The following CYP2A7 variants were observed in gnomAD, a reference collection of about 807,000 sequenced individuals.
The protein encoded by CYP2A7 is cytochrome P450 2A7.
CYP2A7 carries 36 observed loss-of-function variants against 42.0 expected under a neutral mutation model. That is an observed-to-expected ratio of 0.86 (90% CI 0.66 to 1.13). The LOEUF (loss-of-function observed/expected upper bound fraction) is 1.13, where lower values mean the gene tolerates loss of function less well. Ranked by LOEUF, CYP2A7 falls within the 50% of genes most tolerant of loss-of-function variation. The pLI is 0.00. For missense variants in CYP2A7, 661 were observed against 634.1 expected (o/e 1.04, Z -0.46); for synonymous variants, 260 against 249.5 (o/e 1.04, Z -0.40).
rs375415174 is a variant in CYP2A7 at position 40,881,730 on chromosome 19, C to T, written c.202G>A (p.Val68Met). The change falls in exon 2 of 9, where the codon GTG becomes ATG. Residue 68 changes from valine (V) to methionine (M), a missense_variant. Around this residue, in one of 3 missense-constraint regions of CYP2A7, gnomAD observed 614 missense variants for 552.4 expected, o/e 1.11. Transcript: ENST00000301146. ...IMKFSECYGP[V>M]FTIHLGPRRV... ...CGGGGCCCCAAGTGAATGGTGAACA[C>T]GGGGCCATAGCACTCACTGAACTGA... 23 of 1,599,212 alleles carry T rather than the reference C, an allele frequency of 1.4e-5. No individual in the cohort carries two copies. Among genetic ancestry groups the T allele is most frequent in the East Asian group, 2.2e-5 (1 of 44,732 alleles).
chr19:40,880,652 G>A (rs781298343), intron 2 of CYP2A7, 24 bp from the exon 3 acceptor site: 2 of 1,590,138 alleles, frequency 1.3e-6, no homozygotes, highest in Non-Finnish European at 8.6e-7. Flanking sequence ...GGCGGGGGTG[G>A]AGAGAGGTCA....
rs762556583 is a variant in CYP2A7, at chr19:40,880,148, T to A, written c.590A>T (p.Glu197Val). Residue 197 changes from glutamate (E) to valine (V), a missense_variant, in exon 4 of 9, where the codon GAG becomes GTG. Around this residue, in one of 3 missense-constraint regions of CYP2A7, gnomAD observed 614 missense variants for 552.4 expected, o/e 1.11. Transcript: ENST00000301146. ...FGDRFDYEDKEFLSLLSMMLG... is the reference protein window; with the variant it reads ...FGDRFDYEDKVFLSLLSMMLG... ...CATCATGCTCAGCAGTGACAGGAACTCTTTGTCCTCATAGTCAAAGCGGTC... is the reference window on the plus strand; with the variant it reads ...CATCATGCTCAGCAGTGACAGGAACACTTTGTCCTCATAGTCAAAGCGGTC... 6.2e-7 allele frequency: 1 copy of A among 1,613,032 alleles called. No individual in the cohort carries two copies. Among genetic ancestry groups the A allele is most frequent in the Non-Finnish European group, 8.5e-7 (1 of 1,179,274 alleles).
rs140185182 is a variant in CYP2A7, at chr19:40,876,371, G to A, written c.1303+156C>T. 50 of 1,242,194 alleles carry A rather than the reference G, an allele frequency of 4.0e-5. No homozygotes were observed. The African/African-American group carries it at 6.7e-4, about 17-fold the overall frequency. 76.9% of individuals were successfully genotyped at this position (1,242,194 alleles called of 1,614,324 possible). On this transcript the variant is annotated intron_variant, in intron 8 of 8. Coordinates refer to ENST00000301146, the MANE Select transcript of CYP2A7 (RefSeq NM_000764.3). ...CCTGGGTGCAGGTACTGGGTGCTTGGTAGTTAAGGAAGTATCAGCTGCTGG... is the reference window on the plus strand; with the variant it reads ...CCTGGGTGCAGGTACTGGGTGCTTGATAGTTAAGGAAGTATCAGCTGCTGG...
At chr19:40,876,237 C>G (rs1967527244) in intron 8 of CYP2A7, 1 of 603,908 alleles carries the variant, frequency 1.7e-6, no homozygotes, top group Non-Finnish European at 2.9e-6. Context: ...GCCAGATACA[C>G]TTGCAAATAT....
chr19:40,877,705 A>T, intron 6 of CYP2A7, 147 bp downstream of exon 6: 2 of 1,159,170 alleles, frequency 1.7e-6, no homozygotes, highest in Non-Finnish European at 2.4e-6. Flanking sequence ...GACTCAGCTG[A>T]TGCCTACCAG....
chr19:40,877,305 A>G lies in CYP2A7; in HGVS notation c.1046T>C (p.Met349Thr). 3 of 1,612,792 alleles carry G rather than the reference A, an allele frequency of 1.9e-6. No homozygotes were observed. The highest frequency in any genetic ancestry group is 1.7e-6 in the Non-Finnish European group (2 of 1,179,178). Residue 349 changes from methionine to threonine, a missense_variant, in exon 7 of 9, where the codon ATG becomes ACG. Met to Thr is a moderately conservative substitution (Grantham distance 81). Around this residue, in one of 3 missense-constraint regions of CYP2A7, gnomAD observed 614 missense variants for 552.4 expected, o/e 1.11. Transcript: ENST00000301146. ...RQPKFEDRTK[M>T]PYMEAVIHEI... ...GTGGATCACTGCCTCCATGTAGGGCATCTTGGTCCGGTCCTCAAACTTGGG... is the reference window on the plus strand; with the variant it reads ...GTGGATCACTGCCTCCATGTAGGGCGTCTTGGTCCGGTCCTCAAACTTGGG...
chr19:40,881,247 G>A (rs1390765275), intron 2 of CYP2A7, among the ~76,000 whole-genome samples: 1 of 151,458 alleles, frequency 6.6e-6, no homozygotes, highest in Non-Finnish European at 1.5e-5. Context: ...GAGAAGCACA[G>A]AAGCTGAGAG....
intron 8 of CYP2A7, 140 bp from the exon 9 acceptor site, chr19:40,876,014 A>G: frequency 7.1e-7 from 1 of 1,406,110 alleles, no homozygotes; most frequent in Non-Finnish European, 9.5e-7. Flanking sequence ...GGAGGCTCTG[A>G]TCCTCCCTGA....
intron 3 of CYP2A7, 113 bp downstream of exon 3, chr19:40,880,366 G>C: frequency 1.9e-6 from 3 of 1,545,978 alleles, no homozygotes; most frequent in Non-Finnish European, 2.6e-6. Context: ...TCCAGGGCTG[G>C]AAGTGCGGGC....
chr19:40,876,313 C>G, intron 8 of CYP2A7: 1 of 743,634 alleles, frequency 1.3e-6, no homozygotes, highest in Non-Finnish European at 2.2e-6. Flanking sequence ...TAGAGAAATA[C>G]ATCTACGGGG....
At chr19:40,881,860 A>G in intron 1 of CYP2A7, 109 bp from the exon 2 acceptor site, 1 of 1,530,808 alleles carries the variant, frequency 6.5e-7, no homozygotes, top group Non-Finnish European at 8.8e-7. Context: ...TCTCACAGTC[A>G]GGGAGCTGGA....
rs1486747563 is a variant in CYP2A7, at chr19:40,880,212, G to A, written c.526C>T (p.Arg176Cys). ...ANIDPTFFLS[R>C]TVSNVISSIV... ...GAGCTGATGACATTGGAGACTGTGC[G>A]GCTCAGGAAGAAGGTGGGATCGATA... The change falls in exon 4 of 9, where the codon CGC (arginine) becomes TGC (cysteine). Residue 176 changes from arginine (R) to cysteine (C), a missense_variant. Arg to Cys is a radical substitution (Grantham distance 180). This residue lies in a region of CYP2A7 where 614 missense variants were observed against 552.4 expected (regional missense o/e 1.11). Transcript: ENST00000301146. The A allele has an allele frequency of 1.2e-6, 2 of 1,612,890 alleles. No individual in the cohort carries two copies. Among genetic ancestry groups the A allele is most frequent in the Admixed American group, 1.7e-5 (1 of 59,892 alleles).
intron 5 of CYP2A7, 43 bp from the exon 6 acceptor site, chr19:40,878,036 C>T: frequency 6.3e-7 from 1 of 1,583,114 alleles, no homozygotes; most frequent in Non-Finnish European, 8.6e-7. Flanking sequence ...CTCCTCTTGC[C>T]CTCAGGGCCC....
At chr19:40,876,117 T>C (rs1467409354) in intron 8 of CYP2A7, among the ~76,000 whole-genome samples, 2 of 151,880 alleles carry the variant, frequency 1.3e-5, no homozygotes, top group Non-Finnish European at 2.9e-5. Flanking sequence ...TAGGGTTTAC[T>C]CTGTGTTATA....
At chr19:40,878,681 G>A (rs1363644852) in intron 5 of CYP2A7, 79 bp downstream of exon 5, 4 of 1,570,482 alleles carry the variant, frequency 2.5e-6, no homozygotes, top group Middle Eastern at 1.7e-4. Flanking sequence ...ACGGGTCTGT[G>A]TCGTCTGCCC....
At chr19:40,879,085 C>G in intron 4 of CYP2A7, 149 bp from the exon 5 acceptor site, 1 of 1,261,344 alleles carries the variant, frequency 7.9e-7, no homozygotes, top group Non-Finnish European at 1.1e-6. Flanking sequence ...CGGATAGGAA[C>G]TTATATCTAA....
chr19:40,876,488 G>T (rs1967532777), intron 8 of CYP2A7, 39 bp downstream of exon 8: 1 of 1,612,204 alleles, frequency 6.2e-7, no homozygotes, highest in South Asian at 1.1e-5. Flanking sequence ...GCGCCTGCTG[G>T]TGTGAGCAGT....
intron 8 of CYP2A7, 25 bp downstream of exon 8, chr19:40,876,502 C>T: frequency 6.2e-7 from 1 of 1,612,470 alleles, no homozygotes; most frequent in Non-Finnish European, 8.5e-7. Context: ...GAGCAGTGGC[C>T]TGGCAGCAAA....
rs144056334 is a variant in CYP2A7 at position 40,882,202 on chromosome 19, G to C, written c.9C>G (p.Ala3=). The change falls in exon 1 of 9, where the codon GCC becomes GCG. Residue 3 remains alanine (A), a synonymous_variant. Coordinates refer to ENST00000301146, the MANE Select transcript of CYP2A7 (RefSeq NM_000764.3). The stretch of plus-strand genomic sequence containing the variant: ...GCAAGGCCACCAGAAGCAGCCCTGA[G>C]GCCAGCATGGTGGTAGTGAGATGAC... The part of the protein sequence containing the change: ML[A]SGLLLVALLA... 1.5e-4 allele frequency: 246 copies of C among 1,613,782 alleles called. 1 individual carries two copies. The African/African-American group carries it at 2.9e-3, about 19-fold the overall frequency.
Sources: gnomAD v4.1 joint callset for allele counts (sites outside exome capture counted in the v4.1 genomes callset) on GRCh38, gnomAD v4.1.1 for gene constraint, gnomAD v4.1.1 regional missense constraint, MANE v1.5 for transcripts, NCBI Gene and HGNC (gene_info 2026-07-23, HGNC 2026-07-21) for gene names.